Variants in TTC28 observed in about 807,000 individuals in gnomAD.
TTC28 encodes the protein tetratricopeptide repeat protein 28.
In TTC28, 61 loss-of-function variants were observed where a neutral mutation model predicts 198.0. The ratio of observed to expected loss-of-function variants is 0.31; its 90% confidence interval spans 0.25 to 0.38. The LOEUF (loss-of-function observed/expected upper bound fraction) is 0.38. TTC28 is among the 10% of genes least tolerant of loss of function. The pLI, the probability that TTC28 is intolerant of heterozygous loss-of-function variation, is 1.00. For synonymous variants in TTC28, 1,171 were observed against 1,297.8 expected (o/e 0.90, Z 2.10); for missense variants, 2,678 against 3,164.0 (o/e 0.85, Z 3.69).
intron 2 of TTC28, among the ~76,000 whole-genome samples, chr22:28,339,624 G>C (rs966190801): frequency 1.3e-5 from 2 of 152,182 alleles, no homozygotes; most frequent in African/African-American, 4.8e-5. Context: ...CTGCCGCCTT[G>C]CAGTTTGATC....
intron 2 of TTC28, among the ~76,000 whole-genome samples, chr22:28,352,194 T>G (rs2046006711): frequency 6.6e-6 from 1 of 152,082 alleles, no homozygotes; most frequent in African/African-American, 2.4e-5. Context: ...CTCATCTACT[T>G]ATCCCTTATT....
chr22:28,526,586 C>A (rs2049008615), intron 2 of TTC28, among the ~76,000 whole-genome samples: 1 of 152,134 alleles, frequency 6.6e-6, no homozygotes, highest in Non-Finnish European at 1.5e-5. Context: ...CACAGTCTTA[C>A]AGGCCTGAGG....
chr22:28,360,848 T>A (rs529042414), intron 2 of TTC28, among the ~76,000 whole-genome samples: 2 of 152,234 alleles, frequency 1.3e-5, no homozygotes, highest in East Asian at 1.9e-4. Context: ...TGTCTCTGTG[T>A]CACATTTTGG....
At chr22:28,292,672 A>C (rs923880470) in intron 5 of TTC28, among the ~76,000 whole-genome samples, 7 of 152,242 alleles carry the variant, frequency 4.6e-5, no homozygotes, top group Non-Finnish European at 8.8e-5. Flanking sequence ...ATCACATTCC[A>C]AGTTTCACCT....
At chr22:28,430,910 C>CAG (rs1314596871) in intron 2 of TTC28, among the ~76,000 whole-genome samples, 3 of 150,864 alleles carry the variant, frequency 2.0e-5, no homozygotes. Context: ...AAAACATGCC[C>CAG]AGAGCTTGCC....
intron 1 of TTC28, among the ~76,000 whole-genome samples, chr22:28,673,497 T>C (rs766890142): frequency 6.6e-6 from 1 of 152,222 alleles, no homozygotes; most frequent in African/African-American, 2.4e-5. Context: ...ACCATGATAT[T>C]GTTTCAACAT....
At chr22:28,017,507 C>A (rs1413788677) in intron 13 of TTC28, among the ~76,000 whole-genome samples, 2 of 152,288 alleles carry the variant, frequency 1.3e-5, no homozygotes, top group Middle Eastern at 3.4e-3. Context: ...CTTGGTGGCA[C>A]CCTGCCTGGA....
intron 12 of TTC28, among the ~76,000 whole-genome samples, chr22:28,032,255 ATATATATATATAGTGT>A (rs1569095028): frequency 0.018 from 1,704 of 95,078 alleles, 13 homozygotes; most frequent in South Asian, 0.049. Context: ...TATAAAATAT[ATATATATATATAGTGT>A]GTGTGTGTGT....
intron 2 of TTC28, among the ~76,000 whole-genome samples, chr22:28,311,860 A>G (rs748625231): frequency 2.6e-5 from 4 of 151,976 alleles, no homozygotes; most frequent in Admixed American, 6.6e-5. Context: ...ATTCTACTCT[A>G]TCTCCATAAG....
intron 1 of TTC28, among the ~76,000 whole-genome samples, chr22:28,677,175 A>AATATATATAT (rs143954002): frequency 1.4e-5 from 1 of 69,484 alleles, no homozygotes; most frequent in African/African-American, 7.4e-5. Context: ...AAAAAAAAAA[A>AATATATATAT]ATATATATAT....
chr22:28,299,156 C>T (rs1356766307), intron 3 of TTC28, among the ~76,000 whole-genome samples: 3 of 151,806 alleles, frequency 2.0e-5, no homozygotes, highest in East Asian at 3.9e-4. Context: ...TTAATGATAG[C>T]CCTACAATGA....
chr22:28,546,039 G>A (rs1425930624), intron 2 of TTC28, among the ~76,000 whole-genome samples: 1 of 151,860 alleles, frequency 6.6e-6, no homozygotes, highest in Non-Finnish European at 1.5e-5. Flanking sequence ...TGAAAGAAAA[G>A]AACAAAGCTA....
At chr22:28,571,949 CA>C (rs34023160) in intron 2 of TTC28, among the ~76,000 whole-genome samples, 81 of 104,212 alleles carry the variant, frequency 7.8e-4, no homozygotes, top group Admixed American at 1.0e-3. Flanking sequence ...GACTCCATTT[CA>C]AAAAAAAAAA....
intron 2 of TTC28, among the ~76,000 whole-genome samples, chr22:28,532,959 G>A (rs966215527): frequency 6.6e-6 from 1 of 152,160 alleles, no homozygotes; most frequent in African/African-American, 2.4e-5. Context: ...CATACTGAAT[G>A]GGCAAAAACT....
intron 5 of TTC28, among the ~76,000 whole-genome samples, chr22:28,283,250 T>C (rs1260179013): frequency 8.5e-5 from 13 of 152,084 alleles, no homozygotes; most frequent in Non-Finnish European, 1.5e-5. Context: ...TAAAATGTAA[T>C]GCTTTTTACC....
At chr22:28,364,593 TAGG>T (rs778978493) in intron 2 of TTC28, among the ~76,000 whole-genome samples, 3 of 152,164 alleles carry the variant, frequency 2.0e-5, no homozygotes, top group Non-Finnish European at 2.9e-5. Flanking sequence ...TCATGATTCC[TAGG>T]AGGAGGTCAA....
chr22:28,229,910 A>G (rs1355754928), intron 5 of TTC28, among the ~76,000 whole-genome samples: 1 of 152,190 alleles, frequency 6.6e-6, no homozygotes, highest in African/African-American at 2.4e-5. Context: ...AATTTAAAAA[A>G]AAATCTAAAA....
chr22:28,436,026 G>A (rs928617569), intron 2 of TTC28, among the ~76,000 whole-genome samples: 1 of 152,116 alleles, frequency 6.6e-6, no homozygotes, highest in Non-Finnish European at 1.5e-5. Flanking sequence ...ATTCAGTGGC[G>A]TTTAGTACAT....
chr22:28,006,425 C>T (rs1488419858), intron 14 of TTC28: 1 of 152,160 alleles, frequency 6.6e-6, no homozygotes, highest in Non-Finnish European at 1.5e-5. Context: ...AGTGATACTG[C>T]CCCTATTATT....
Sources: allele counts gnomAD v4.1 joint callset (sites outside exome capture counted in the v4.1 genomes callset), GRCh38; gene constraint gnomAD v4.1.1; transcripts MANE v1.5; gene names NCBI Gene and HGNC (gene_info 2026-07-23, HGNC 2026-07-21).